Variants in PPP2R5A observed in about 807,000 individuals in gnomAD.
PPP2R5A encodes the protein protein phosphatase 2 regulatory subunit B'alpha.
A neutral mutation model predicts 64.2 loss-of-function variants in PPP2R5A; 25 were observed. That is an observed-to-expected ratio of 0.39 (90% CI 0.28 to 0.54). The LOEUF is 0.54. PPP2R5A is among the 20% of genes least tolerant of loss of function. The probability of loss-of-function intolerance (pLI) is 0.67; values close to 1 mark genes in which losing one functional copy is unlikely to be tolerated. For synonymous variants in PPP2R5A, 198 were observed against 201.2 expected, an observed-to-expected ratio of 0.98 and a Z score of 0.13; for missense variants, 425 against 576.3, an observed-to-expected ratio of 0.74 and a Z score of 2.69.
At chr1:212,342,667 C>T (rs766485771) in intron 4 of PPP2R5A, among the ~76,000 whole-genome samples, 5 of 152,026 alleles carry the variant, frequency 3.3e-5, no homozygotes, top group Admixed American at 6.6e-5. Context: ...TTTGAAATGA[C>T]GGGGGAAAAA....
At chr1:212,334,513 C>T (rs116231282) in intron 3 of PPP2R5A, among the ~76,000 whole-genome samples, 188 of 152,198 alleles carry the variant, frequency 1.2e-3, no homozygotes, top group Non-Finnish European at 1.9e-3. Flanking sequence ...AGGCTGGTTT[C>T]GAACACCTGA....
intron 6 of PPP2R5A, 136 bp downstream of exon 6, chr1:212,347,542 CTTTTT>C: frequency 4.2e-6 from 2 of 479,224 alleles, no homozygotes; most frequent in Non-Finnish European, 7.1e-6. Flanking sequence ...CAACTGAAGT[CTTTTT>C]TTTTTTTTTG....
chr1:212,322,174 C>T (rs976020833), intron 1 of PPP2R5A, among the ~76,000 whole-genome samples: 1 of 141,374 alleles, frequency 7.1e-6, no homozygotes, highest in African/African-American at 2.6e-5. Context: ...AGGGGGAGAC[C>T]GTGGAAAGAG....
At chr1:212,356,734 A>T in intron 9 of PPP2R5A, 58 bp downstream of exon 9, 1 of 1,550,012 alleles carries the variant, frequency 6.5e-7, no homozygotes, top group Non-Finnish European at 8.8e-7. Context: ...TCCCAGGGCT[A>T]TAAACCATGC....
chr1:212,290,519 A>T (rs1440892216), intron 1 of PPP2R5A, among the ~76,000 whole-genome samples: 1 of 152,218 alleles, frequency 6.6e-6, no homozygotes, highest in Non-Finnish European at 1.5e-5. Context: ...ATTTATTTTT[A>T]AAAAATTTAA....
rs1194137862 is a variant in PPP2R5A, at chr1:212,329,259, T to G, written c.306T>G (p.Asn102Lys). 1.2e-6 allele frequency: 2 copies of G among 1,612,708 alleles called. No homozygotes were observed. Among genetic ancestry groups the G allele is most frequent in the Non-Finnish European group, 1.7e-6 (2 of 1,179,644 alleles). Residue 102 changes from asparagine to lysine, a missense_variant, in exon 2 of 13, where the codon AAT becomes AAG. By Grantham distance (94) the Asn-to-Lys change is moderately conservative. Coordinates refer to ENST00000261461, the MANE Select transcript of PPP2R5A (RefSeq NM_006243.4). ...AAGAAATTAAAAGAGCAACACTGAATGAACTGGTTGAGTATGTTTCAACTA... is the reference window on the plus strand; with the variant it reads ...AAGAAATTAAAAGAGCAACACTGAAGGAACTGGTTGAGTATGTTTCAACTA... ...KSKEIKRATL[N>K]ELVEYVSTNR... is the part of the protein sequence containing the mutation.
intron 4 of PPP2R5A, 69 bp from the exon 5 acceptor site, chr1:212,345,734 A>G: frequency 6.7e-7 from 1 of 1,501,682 alleles, no homozygotes; most frequent in Non-Finnish European, 8.9e-7. Context: ...ATAATCTTTA[A>G]GATCAAAATT....
chr1:212,357,666 G>A (rs1464234061), intron 11 of PPP2R5A, among the ~76,000 whole-genome samples: 2 of 152,092 alleles, frequency 1.3e-5, no homozygotes, highest in Non-Finnish European at 2.9e-5. Context: ...AGCCGGGCGT[G>A]GTGGCGGGCG....
chr1:212,329,435 TC>T, intron 2 of PPP2R5A, 104 bp downstream of exon 2: 1 of 1,012,404 alleles, frequency 9.9e-7, no homozygotes, highest in Non-Finnish European at 1.4e-6. Flanking sequence ...AATTAATACA[TC>T]CCCCAAATTT....
intron 1 of PPP2R5A, among the ~76,000 whole-genome samples, chr1:212,310,574 T>C (rs542169418): frequency 6.6e-6 from 1 of 152,228 alleles, no homozygotes; most frequent in African/African-American, 2.4e-5. Flanking sequence ...TGCTTCTTTC[T>C]GAAACCCTGC....
chr1:212,305,100 C>G (rs1658873238), intron 1 of PPP2R5A, among the ~76,000 whole-genome samples: 1 of 145,888 alleles, frequency 6.9e-6, no homozygotes, highest in African/African-American at 2.6e-5. Flanking sequence ...GCAGTGGCTC[C>G]ATCTCAGCTC....
intron 1 of PPP2R5A, among the ~76,000 whole-genome samples, chr1:212,321,793 G>C (rs1049004538): frequency 6.6e-6 from 1 of 151,646 alleles, no homozygotes; most frequent in Non-Finnish European, 1.5e-5. Context: ...GGTGGCCGCC[G>C]GGCAGAGGCT....
chr1:212,299,297 A>G (rs1331749526), intron 1 of PPP2R5A: 1 of 152,192 alleles, frequency 6.6e-6, no homozygotes, highest in African/African-American at 2.4e-5. Context: ...ATTGTTAATC[A>G]TTCAGCACAT....
In PPP2R5A at chr1:212,286,176, C is replaced by T. The variant is rs1250133679; in HGVS notation, c.66C>T (p.Asp22=). 5.7e-6 allele frequency: 9 copies of T among 1,590,306 alleles called. No homozygotes were observed. The highest frequency in any genetic ancestry group is 1.4e-5 in the African/African-American group (1 of 73,978). Residue 22 remains aspartate (D), a synonymous_variant, in exon 1 of 13, where the codon GAC becomes GAT. Transcript: ENST00000261461. ...CCATCTCGGCCTCGGAGAAAGTGGA[C>T]GGCTTCACCCGGAAATCGGTCCGCA... ...SAAISASEKV[D]GFTRKSVRKA... is the part of the protein sequence containing the mutation.
At chr1:212,338,927 A>G (rs918019843) in intron 3 of PPP2R5A, among the ~76,000 whole-genome samples, 3 of 152,216 alleles carry the variant, frequency 2.0e-5, no homozygotes, top group Non-Finnish European at 2.9e-5. Flanking sequence ...TTGAGGGTAA[A>G]GTAATGAACT....
In PPP2R5A at chr1:212,329,229, G is replaced by A; in HGVS notation, c.276G>A (p.Lys92=). 6.2e-7 allele frequency: 1 copy of A among 1,613,554 alleles called. No individual in the cohort carries two copies. The highest frequency in any genetic ancestry group is 8.5e-7 in the Non-Finnish European group (1 of 1,179,808). Residue 92 remains lysine (K), a synonymous_variant, in exon 2 of 13, where the codon AAG becomes AAA. Coordinates refer to ENST00000261461, the MANE Select transcript of PPP2R5A (RefSeq NM_006243.4). ...TCATGGACTCTGTTTCAGACTTGAA[G>A]AGCAAAGAAATTAAAAGAGCAACAC... ...FDFMDSVSDL[K]SKEIKRATLN... is the part of the protein sequence containing the mutation.
At chr1:212,342,898 T>C (rs1659709298) in intron 4 of PPP2R5A, among the ~76,000 whole-genome samples, 1 of 152,108 alleles carries the variant, frequency 6.6e-6, no homozygotes, top group Non-Finnish European at 1.5e-5. Context: ...AACCTACATA[T>C]TCACAATTTC....
At chr1:212,328,035 G>A (rs1659437680) in intron 1 of PPP2R5A, among the ~76,000 whole-genome samples, 1 of 152,208 alleles carries the variant, frequency 6.6e-6, no homozygotes, top group South Asian at 2.1e-4. Flanking sequence ...GGCTGGTCTC[G>A]AACTCATGAC....
intron 6 of PPP2R5A, among the ~76,000 whole-genome samples, chr1:212,347,889 C>T (rs1481296196): frequency 6.6e-6 from 1 of 152,102 alleles, no homozygotes; most frequent in Non-Finnish European, 1.5e-5. Context: ...CTTTGCCTTC[C>T]TTATTCACTA....
Sources: allele counts gnomAD v4.1 joint callset (sites outside exome capture counted in the v4.1 genomes callset), GRCh38; gene constraint gnomAD v4.1.1; transcripts MANE v1.5; gene names NCBI Gene and HGNC (gene_info 2026-07-23, HGNC 2026-07-21).